The following AMBRA1 variants were observed in gnomAD, a reference collection of about 807,000 sequenced individuals.
AMBRA1 encodes activating molecule in BECN1-regulated autophagy protein 1.
Under a neutral mutation model 125.4 loss-of-function variants are expected in AMBRA1, and 47 were observed. That is an observed-to-expected ratio of 0.37 (90% confidence interval 0.30 to 0.48). The LOEUF (loss-of-function observed/expected upper bound fraction) is 0.48, where lower values mean the gene tolerates loss of function less well. Ranked by LOEUF, AMBRA1 falls within the 20% of genes least tolerant of loss-of-function variation. The pLI, the probability that AMBRA1 is intolerant of heterozygous loss-of-function variation, is 0.99. For synonymous variants in AMBRA1, 626 were observed against 655.5 expected, an observed-to-expected ratio of 0.95 and a Z score of 0.69; for missense variants, 1,331 against 1,693.4, an observed-to-expected ratio of 0.79 and a Z score of 3.76.
At chr11:46,571,525 A>G (rs2135275908) in intron 1 of AMBRA1, among the ~76,000 whole-genome samples, 1 of 152,090 alleles carries the variant, frequency 6.6e-6, no homozygotes, top group Admixed American at 6.6e-5. Context: ...AAATACAAAA[A>G]TTAGCCAGCC....
intron 11 of AMBRA1, among the ~76,000 whole-genome samples, chr11:46,465,482 T>A (rs754759876): frequency 6.6e-6 from 1 of 152,190 alleles, no homozygotes; most frequent in Non-Finnish European, 1.5e-5. Flanking sequence ...GTTTTTACCA[T>A]ATTTTCTCAG....
intron 1 of AMBRA1, among the ~76,000 whole-genome samples, chr11:46,590,447 T>C (rs1264964283): frequency 2.0e-5 from 3 of 151,556 alleles, no homozygotes; most frequent in Admixed American, 6.6e-5. Context: ...CTGAGCAACA[T>C]AGGGAGACCT....
At chr11:46,559,608 G>C (rs1036099855) in intron 1 of AMBRA1, among the ~76,000 whole-genome samples, 1 of 152,174 alleles carries the variant, frequency 6.6e-6, no homozygotes, top group African/African-American at 2.4e-5. Context: ...TTTCGAGCTT[G>C]AGAATACTAA....
chr11:46,533,388 A>G (rs1232779174), intron 7 of AMBRA1, among the ~76,000 whole-genome samples: 2 of 152,176 alleles, frequency 1.3e-5, no homozygotes, highest in Non-Finnish European at 2.9e-5. Flanking sequence ...CAGGAATTTC[A>G]TTTCCATTTA....
intron 1 of AMBRA1, among the ~76,000 whole-genome samples, chr11:46,588,735 A>G (rs986945495): frequency 6.6e-6 from 1 of 150,830 alleles, no homozygotes; most frequent in Non-Finnish European, 1.5e-5. Flanking sequence ...AGATCGCGCC[A>G]TTGCACACCA....
intron 1 of AMBRA1, among the ~76,000 whole-genome samples, chr11:46,588,384 T>C (rs1463464065): frequency 6.6e-6 from 1 of 152,142 alleles, no homozygotes; most frequent in East Asian, 1.9e-4. Context: ...ATAACATCTG[T>C]TCATTGTTGT....
intron 11 of AMBRA1, among the ~76,000 whole-genome samples, chr11:46,478,179 G>C (rs1001199647): frequency 3.3e-5 from 5 of 152,124 alleles, no homozygotes; most frequent in Admixed American, 6.5e-5. Context: ...GAGAATAGCT[G>C]AATTCTTGCT....
chr11:46,503,389 A>G (rs1190062895), intron 9 of AMBRA1, among the ~76,000 whole-genome samples: 1 of 152,176 alleles, frequency 6.6e-6, no homozygotes, highest in African/African-American at 2.4e-5. Flanking sequence ...AATTAAGCTT[A>G]TTGTCTTATA....
At position 46,547,851 on chromosome 11, in the gene AMBRA1, G is replaced by A. The variant is rs749851931; in HGVS notation, c.160C>T (p.Arg54Cys). The change falls in exon 3 of 18, where the codon CGC (arginine) becomes TGC (cysteine). Residue 54 changes from arginine to cysteine, a missense_variant. Arg to Cys is a radical substitution (Grantham distance 180). This residue lies in a region of AMBRA1 where 144 missense variants were observed against 250.4 expected (regional missense o/e 0.58). Coordinates refer to ENST00000683756, the MANE Select transcript of AMBRA1 (RefSeq NM_001387011.1). Reference protein sequence around the residue: ...GKRVELPDSPRSTFLLAFSPD... With the variant: ...GKRVELPDSPCSTFLLAFSPD... Reference sequence around the variant, plus strand: ...CTGAAGGCCAATAAGAAGGTAGAGCGTGGACTATCCGGCAGTTCTACTCTC... The same window carrying A: ...CTGAAGGCCAATAAGAAGGTAGAGCATGGACTATCCGGCAGTTCTACTCTC... 11 of 1,608,656 alleles carry A rather than the reference G, an allele frequency of 6.8e-6. No individual in the cohort carries two copies. The highest frequency in any genetic ancestry group is 1.3e-5 in the African/African-American group (1 of 74,220).
chr11:46,464,304 C>A (rs1342370876), intron 11 of AMBRA1, among the ~76,000 whole-genome samples: 1 of 152,270 alleles, frequency 6.6e-6, no homozygotes, highest in South Asian at 2.1e-4. Flanking sequence ...GCACAAAATA[C>A]CCACAAATAA....
intron 1 of AMBRA1, among the ~76,000 whole-genome samples, chr11:46,557,090 C>T (rs949165822): frequency 6.7e-6 from 1 of 149,614 alleles, no homozygotes; most frequent in Non-Finnish European, 1.5e-5. Flanking sequence ...GAGCAGAGAT[C>T]GTGCCATTGT....
At chr11:46,528,370 C>T (rs1175077597) in intron 7 of AMBRA1, among the ~76,000 whole-genome samples, 2 of 152,180 alleles carry the variant, frequency 1.3e-5, no homozygotes, top group Admixed American at 6.5e-5. Flanking sequence ...GGAGTTTCAC[C>T]ATGTTGGCCA....
chr11:46,397,409 G>C lies in AMBRA1; in HGVS notation c.*41C>G. 1 of 1,468,880 alleles carries C rather than the reference G, an allele frequency of 6.8e-7. No homozygotes were observed. Among genetic ancestry groups the C allele is most frequent in the Non-Finnish European group, 9.0e-7 (1 of 1,108,682 alleles). The allele number at this position is 1,468,880 out of a possible 1,614,324, so 91.0% of individuals were successfully genotyped here. A position where few individuals can be genotyped will look rare whatever the true frequency, so the allele number is the denominator to read the frequency against. ...CAGTCAGCTGTGAGGTCCGGTTTCT[G>C]CTTGGCGGTTCGAGGGGAGGCACCA... On this transcript the variant is annotated 3_prime_UTR_variant, in exon 18 of 18. Coordinates refer to ENST00000683756, the MANE Select transcript of AMBRA1 (RefSeq NM_001387011.1).
At chr11:46,481,238 T>A (rs896199960) in intron 11 of AMBRA1, among the ~76,000 whole-genome samples, 2 of 152,160 alleles carry the variant, frequency 1.3e-5, no homozygotes, top group Admixed American at 6.5e-5. Flanking sequence ...CCCAAAGGGA[T>A]GGCAACAGTG....
In AMBRA1 at chr11:46,543,312, G is replaced by A; in HGVS notation, c.705C>T (p.Arg235=). The change falls in exon 7 of 18, where the codon CGC becomes CGT. Residue 235 remains arginine, a synonymous_variant. Coordinates refer to ENST00000683756, the MANE Select transcript of AMBRA1 (RefSeq NM_001387011.1). Reference sequence around the variant, plus strand: ...GGAAATTGTGGAGGAGAGGCGTCCGGCGAACTGGCTGTGATTGCAGGAGGG... The same window carrying A: ...GGAAATTGTGGAGGAGAGGCGTCCGACGAACTGGCTGTGATTGCAGGAGGG... The part of the protein sequence containing the change: ...QRALLQSQPV[R]RTPLLHNFLH... The A allele has an allele frequency of 6.2e-7, 1 of 1,614,062 alleles. No homozygotes were observed. The highest frequency in any genetic ancestry group is 8.5e-7 in the Non-Finnish European group (1 of 1,179,986).
At position 46,543,236 on chromosome 11, in the gene AMBRA1, T is replaced by C; in HGVS notation, c.781A>G (p.Thr261Ala). Residue 261 changes from threonine to alanine, a missense_variant, in exon 7 of 18, where the codon ACA (threonine) becomes GCA (alanine). This residue lies in a region of AMBRA1 where 689 missense variants were observed against 776.5 expected (regional missense o/e 0.89). Transcript: ENST00000683756. ...GAGGGGGTAGCAGAATCTTGCACTG[T>C]GCTTTGCTCTCCCACCTGGATGCCA... The part of the protein sequence containing the change: ...SSGIQVGEQS[T>A]VQDSATPSPP... The C allele has an allele frequency of 6.2e-7, 1 of 1,613,250 alleles. No individual in the cohort carries two copies. Among genetic ancestry groups the C allele is most frequent in the Non-Finnish European group, 8.5e-7 (1 of 1,179,826 alleles).
intron 14 of AMBRA1, among the ~76,000 whole-genome samples, chr11:46,418,389 T>C (rs1006307605): frequency 6.9e-6 from 1 of 145,420 alleles, no homozygotes; most frequent in Admixed American, 7.0e-5. Context: ...TATATATATT[T>C]ATTATATATT....
intron 1 of AMBRA1, among the ~76,000 whole-genome samples, chr11:46,586,489 T>C (rs1384808539): frequency 1.3e-5 from 2 of 152,220 alleles, no homozygotes; most frequent in African/African-American, 4.8e-5. Context: ...ATCCTTTTAC[T>C]TTATTTTGAA....
At chr11:46,520,553 T>TCA (rs1951710364) in intron 7 of AMBRA1, among the ~76,000 whole-genome samples, 1 of 151,964 alleles carries the variant, frequency 6.6e-6, no homozygotes, top group Non-Finnish European at 1.5e-5. Context: ...AGCCAGAAGT[T>TCA]CACCCTCTCT....
Sources: allele counts gnomAD v4.1 joint callset (sites outside exome capture counted in the v4.1 genomes callset), GRCh38; gene constraint gnomAD v4.1.1; regional missense constraint gnomAD v4.1.1; transcripts MANE v1.5; gene names NCBI Gene and HGNC (gene_info 2026-07-23, HGNC 2026-07-21).